CCDC158: variants seen among roughly 807,000 people sequenced by gnomAD.
CCDC158 encodes coiled-coil domain-containing protein 158.
A neutral mutation model predicts 138.6 loss-of-function variants in CCDC158; 116 were observed. That is an observed-to-expected ratio of 0.84 (90% confidence interval 0.72 to 0.98). The LOEUF (loss-of-function observed/expected upper bound fraction) is 0.98, where lower values mean the gene tolerates loss of function less well. Ranked by LOEUF, CCDC158 falls within the 50% of genes least tolerant of loss-of-function variation. The probability of loss-of-function intolerance (pLI) is 0.00; values close to 1 mark genes in which losing one functional copy is unlikely to be tolerated. For synonymous variants in CCDC158, 436 were observed against 442.4 expected (o/e 0.99, Z 0.18); for missense variants, 1,265 against 1,306.1 (o/e 0.97, Z 0.48).
Position 76,369,542 on chromosome 4 carries a change from T to A in CCDC158, c.1231A>T (p.Ser411Cys). 2 of 1,614,196 alleles carry A rather than the reference T, an allele frequency of 1.2e-6. No homozygotes were observed. The highest frequency in any genetic ancestry group is 1.7e-6 in the Non-Finnish European group (2 of 1,180,006). The stretch of plus-strand genomic sequence containing the variant: ...CGCCGCAGGTGGTCAATGGTGATGC[T>A]GTTGCCTGTGTCTCGGTCCCACAGA... Reference protein sequence around the residue: ...KRLWDRDTGNSITIDHLRREL... With the variant: ...KRLWDRDTGNCITIDHLRREL... The change falls in exon 11 of 25, where the codon AGC (serine) becomes TGC (cysteine). Residue 411 changes from serine (S) to cysteine (C), a missense_variant. Coordinates refer to ENST00000682701, the MANE Select transcript of CCDC158 (RefSeq NM_001394954.1).
intron 24 of CCDC158, among the ~76,000 whole-genome samples, chr4:76,315,328 T>C (rs1054995218): frequency 6.6e-6 from 1 of 152,172 alleles, no homozygotes; most frequent in African/African-American, 2.4e-5. Flanking sequence ...TTTTTTTCCC[T>C]GCCCTGGTAG....
intron 4 of CCDC158, among the ~76,000 whole-genome samples, chr4:76,393,907 T>C (rs1292884125): frequency 2.0e-5 from 3 of 152,074 alleles, no homozygotes; most frequent in Non-Finnish European, 4.4e-5. Flanking sequence ...ATTAGAGAAA[T>C]GCAAATCTGA....
chr4:76,345,724 A>G (rs1438367906), intron 18 of CCDC158: 9 of 566,724 alleles, frequency 1.6e-5, no homozygotes, highest in Non-Finnish European at 2.5e-5. Flanking sequence ...TTTGATTTCT[A>G]CAAATCTTAA....
chr4:76,329,463 AG>A (rs1350280618), intron 21 of CCDC158, among the ~76,000 whole-genome samples: 1 of 152,128 alleles, frequency 6.6e-6, no homozygotes, highest in African/African-American at 2.4e-5. Flanking sequence ...GGGAACCTGT[AG>A]TCCCGGCTAC....
At position 76,353,234 on chromosome 4, in the gene CCDC158, C is replaced by A. The variant is rs925394008; in HGVS notation, c.2334G>T (p.Leu778Phe). The change falls in exon 16 of 25, where the codon TTG becomes TTT. Residue 778 changes from leucine (L) to phenylalanine (F), a missense_variant. Transcript: ENST00000682701. ...TGTTTTTTTCTGTGGCAACAGTACT[C>A]AATTCCTGACTGAGTTTACTTTTCT... ...KEEKSKLSQE[L>F]STVATEKNKM... 33 of 1,612,314 alleles carry A rather than the reference C, an allele frequency of 2.0e-5. No homozygotes were observed. Among genetic ancestry groups the A allele is most frequent in the Non-Finnish European group, 2.8e-5 (33 of 1,179,428 alleles).
At chr4:76,357,605 A>G (rs1723706282) in intron 13 of CCDC158, 79 bp from the exon 14 acceptor site, 4 of 938,516 alleles carry the variant, frequency 4.3e-6, no homozygotes, top group Non-Finnish European at 5.9e-6. Flanking sequence ...ATTTGTAATT[A>G]ATGATCACAG....
intron 12 of CCDC158, among the ~76,000 whole-genome samples, chr4:76,363,791 G>A (rs1724387321): frequency 2.0e-5 from 3 of 152,248 alleles, no homozygotes; most frequent in South Asian, 4.2e-4. Context: ...GAAGTCATTG[G>A]ACAGTTTTGA....
In CCDC158 at chr4:76,383,834, T is replaced by TA. The variant is rs1726512797; in HGVS notation, c.727-97dup. 4.6e-6 allele frequency: 4 copies of TA among 862,504 alleles called. No homozygotes were observed. In the South Asian group the frequency reaches 5.8e-5, roughly 13 times the overall value. 53.4% of individuals were successfully genotyped at this position (862,504 alleles called of 1,614,324 possible). On this transcript the variant is annotated intron_variant, in intron 6 of 24. Coordinates refer to ENST00000682701, the MANE Select transcript of CCDC158 (RefSeq NM_001394954.1). ...ACTAAAGGAATGCTTTAAATGCAAG[T>TA]AAAAATAATACTAAAATCAGATACA... is the stretch of plus-strand genomic sequence containing the variant.
intron 24 of CCDC158, among the ~76,000 whole-genome samples, chr4:76,321,525 T>C (rs1719996964): frequency 6.7e-6 from 1 of 150,292 alleles, no homozygotes; most frequent in Non-Finnish European, 1.5e-5. Flanking sequence ...AACCAACTAG[T>C]GGATAAAGAA....
chr4:76,314,477 GA>G (rs1719183156), intron 24 of CCDC158, among the ~76,000 whole-genome samples: 1 of 152,144 alleles, frequency 6.6e-6, no homozygotes. Flanking sequence ...AACATACTGG[GA>G]AAACCAAAAG....
At chr4:76,344,519 G>A in intron 18 of CCDC158, 1 of 845,512 alleles carries the variant, frequency 1.2e-6, no homozygotes, top group Non-Finnish European at 2.1e-6. Context: ...GCCAGTGCCT[G>A]ATGTGCCCCA....
At chr4:76,386,681 A>T (rs920596842) in intron 4 of CCDC158, among the ~76,000 whole-genome samples, 1 of 128,368 alleles carries the variant, frequency 7.8e-6, no homozygotes, top group African/African-American at 2.8e-5. Context: ...TGGTGGAAAG[A>T]GGCATTGAGG....
At chr4:76,417,091 A>G (rs113458345) in intron 1 of CCDC158, among the ~76,000 whole-genome samples, 1,600 of 152,312 alleles carry the variant, frequency 0.011, 28 homozygotes, top group African/African-American at 0.037. Context: ...GCCCAAGACC[A>G]TGGGAACCCA....
In CCDC158 at chr4:76,371,981, G is replaced by GTT. The variant is rs776740229; in HGVS notation, c.1030-447_1030-446dup. Among the ~76,000 whole-genome samples, 377 of 139,778 alleles carry GTT rather than the reference G, an allele frequency of 2.7e-3. 2 individuals are homozygous for GTT. Among genetic ancestry groups the GTT allele is most frequent in the African/African-American group, 8.9e-3 (340 of 38,244 alleles). 91.7% of individuals were successfully genotyped at this position (139,778 alleles called of 152,430 possible). ...AGTGTATTGTGATGTGTCTTGTAAA[G>GTT]TTTTTTTTTTTTTTAAAGAAAATCT... On this transcript the variant is annotated intron_variant, in intron 9 of 24. Transcript: ENST00000682701.
intron 13 of CCDC158, among the ~76,000 whole-genome samples, chr4:76,358,193 C>G (rs1723771801): frequency 6.6e-6 from 1 of 152,144 alleles, no homozygotes; most frequent in Admixed American, 6.6e-5. Flanking sequence ...GTTCCCTCTC[C>G]CAGTTGCTTA....
chr4:76,390,355 A>G, intron 4 of CCDC158, among the ~76,000 whole-genome samples: 1 of 152,052 alleles, frequency 6.6e-6, no homozygotes, highest in African/African-American at 2.4e-5. Context: ...GGTAACCTCA[A>G]AGGTAAAAAA....
chr4:76,313,847 C>A (rs1447402011), intron 24 of CCDC158, among the ~76,000 whole-genome samples: 1 of 152,166 alleles, frequency 6.6e-6, no homozygotes, highest in Non-Finnish European at 1.5e-5. Context: ...GCTTCTTTTT[C>A]ATATAACAAA....
chr4:76,323,330 C>T lies in CCDC158; in HGVS notation c.3249G>A (p.Leu1083=). ...GGTTCTTCAGCTGTAAATCTTCTAC[C>T]AGAGTTTGCAAGCTTTCTAGTCTGT... ...LQNRLESLQT[L]VEDLQLKNQA... Residue 1083 remains leucine (L), a synonymous_variant, in exon 24 of 25, where the codon CTG becomes CTA. Transcript: ENST00000682701. 6.2e-7 allele frequency: 1 copy of T among 1,612,874 alleles called. No homozygotes were observed. Among genetic ancestry groups the T allele is most frequent in the Non-Finnish European group, 8.5e-7 (1 of 1,179,412 alleles).
In CCDC158 at chr4:76,357,437, C is replaced by T. The variant is rs771839069; in HGVS notation, c.2110G>A (p.Ala704Thr). 2.7e-5 allele frequency: 44 copies of T among 1,604,638 alleles called. 3 individuals carry two copies. The South Asian group carries it at 4.1e-4, about 15-fold the overall frequency. ...CTTGTCTGTTCTAGTTCAGACTGTG[C>T]AGATTTTAATTGCATTTTCAACTTA... ...TNKLKMQLKSAQSELEQTRNT... is the reference protein window; with the variant it reads ...TNKLKMQLKSTQSELEQTRNT... The change falls in exon 14 of 25, where the codon GCA (alanine) becomes ACA (threonine). Residue 704 changes from alanine (A) to threonine (T), a missense_variant. Physicochemically the swap from Ala to Thr is moderately conservative, Grantham distance 58 (BLOSUM62 0). Coordinates refer to ENST00000682701, the MANE Select transcript of CCDC158 (RefSeq NM_001394954.1).
Sources: allele counts gnomAD v4.1 joint callset (sites outside exome capture counted in the v4.1 genomes callset), GRCh38; gene constraint gnomAD v4.1.1; transcripts MANE v1.5; gene names NCBI Gene and HGNC (gene_info 2026-07-23, HGNC 2026-07-21).